The following NARS2 variants were observed in gnomAD, a reference collection of about 807,000 sequenced individuals.
NARS2 encodes the protein asparaginyl-tRNA synthetase.
A neutral mutation model predicts 62.9 loss-of-function variants in NARS2; 60 were observed. The observed-to-expected ratio is 0.95, with a 90% CI of 0.77 to 1.18. The LOEUF is 1.18. Ranked by LOEUF, NARS2 falls within the 50% of genes most tolerant of loss-of-function variation. The pLI is 0.00. For synonymous variants in NARS2, 196 were observed against 200.0 expected, an observed-to-expected ratio of 0.98 and a Z score of 0.17; for missense variants, 619 against 576.4, an observed-to-expected ratio of 1.07 and a Z score of -0.76.
chr11:78,511,887 C>T (rs1860736007), intron 6 of NARS2, among the ~76,000 whole-genome samples: 1 of 151,862 alleles, frequency 6.6e-6, no homozygotes, highest in African/African-American at 2.4e-5. Context: ...GAAAAAGAAA[C>T]AAACAATGAT....
At position 78,566,057 on chromosome 11, in the gene NARS2, A is replaced by T. The variant is rs574799498; in HGVS notation, c.513+75T>A. On this transcript the variant is annotated intron_variant, in intron 4 of 13. Transcript: ENST00000281038. Reference sequence around the variant, plus strand: ...AACTAACAGACATGTTAACATCAGGAGAAAAAGACACAACTGTTTTTAAAC... The same window carrying T: ...AACTAACAGACATGTTAACATCAGGTGAAAAAGACACAACTGTTTTTAAAC... 3 of 1,235,500 alleles carry T rather than the reference A, an allele frequency of 2.4e-6. No individual in the cohort carries two copies. The South Asian group carries it at 4.9e-5, about 20-fold the overall frequency. The allele number at this position is 1,235,500 out of a possible 1,614,324, so 76.5% of individuals were successfully genotyped here. A position where few individuals can be genotyped will look rare whatever the true frequency, so the allele number is the denominator to read the frequency against.
At chr11:78,483,682 G>C (rs1028785989) in intron 7 of NARS2, among the ~76,000 whole-genome samples, 2 of 152,076 alleles carry the variant, frequency 1.3e-5, no homozygotes, top group Non-Finnish European at 2.9e-5. Flanking sequence ...CAACCTACAA[G>C]GGATGTGAAG....
intron 1 of NARS2, 59 bp downstream of exon 1, chr11:78,574,289 T>G: frequency 6.2e-7 from 1 of 1,604,178 alleles, no homozygotes; most frequent in African/African-American, 1.3e-5. Context: ...AAGCTAGATG[T>G]GGATGTGCCA....
intron 6 of NARS2, among the ~76,000 whole-genome samples, chr11:78,493,991 T>C (rs1859945740): frequency 1.3e-5 from 2 of 152,354 alleles, no homozygotes; most frequent in African/African-American, 4.8e-5. Context: ...CAGATACATA[T>C]TGCAGTTCAC....
intron 4 of NARS2, among the ~76,000 whole-genome samples, chr11:78,565,018 T>G (rs948572484): frequency 1.6e-4 from 25 of 152,166 alleles, no homozygotes; most frequent in Non-Finnish European, 7.3e-5. Context: ...TCTGGAGAAG[T>G]ACCACAGGAA....
chr11:78,480,724 C>T (rs1229255253), intron 7 of NARS2, among the ~76,000 whole-genome samples: 1 of 150,394 alleles, frequency 6.6e-6, no homozygotes, highest in African/African-American at 2.5e-5. Flanking sequence ...AATCAAAAGA[C>T]TAGATAATAG....
intron 5 of NARS2, among the ~76,000 whole-genome samples, chr11:78,545,257 CTTT>C (rs1388250928): frequency 1.3e-5 from 2 of 151,966 alleles, no homozygotes; most frequent in African/African-American, 2.4e-5. Context: ...TATGAAAATT[CTTT>C]TTTACAAAAG....
rs1340804867 is a variant in NARS2, at chr11:78,568,647, T to A, written c.357A>T (p.Gly119=). Reference sequence around the variant, plus strand: ...GAAATCATACCTTGGCATCACAATTTCCAATAACTTTAATTTTTTCTGCCT... The same window carrying A: ...GAAATCATACCTTGGCATCACAATTACCAATAACTTTAATTTTTTCTGCCT... ...ELKAEKIKVI[G]NCDAKDFPIK... Residue 119 remains glycine, a synonymous_variant, in exon 3 of 14, where the codon GGA becomes GGT. Transcript: ENST00000281038. The A allele has an allele frequency of 1.2e-6, 2 of 1,612,070 alleles. No individual in the cohort carries two copies. The highest frequency in any genetic ancestry group is 8.5e-7 in the Non-Finnish European group (1 of 1,178,876).
At chr11:78,537,448 G>C (rs1278725854) in intron 5 of NARS2, among the ~76,000 whole-genome samples, 1 of 152,118 alleles carries the variant, frequency 6.6e-6, no homozygotes, top group Non-Finnish European at 1.5e-5. Context: ...CTCAGAAACA[G>C]GATTTTAACA....
At chr11:78,517,008 A>T (rs1029867703) in intron 6 of NARS2, among the ~76,000 whole-genome samples, 4 of 152,230 alleles carry the variant, frequency 2.6e-5, no homozygotes, top group Non-Finnish European at 4.4e-5. Context: ...TTTTAAGCTG[A>T]GTTTAGCCTA....
chr11:78,573,758 C>G (rs1857013479), intron 1 of NARS2, among the ~76,000 whole-genome samples: 1 of 152,186 alleles, frequency 6.6e-6, no homozygotes, highest in Admixed American at 6.5e-5. Context: ...TTATCTCTTT[C>G]CATAAGAGGA....
At chr11:78,550,685 GT>G (rs1422990721) in intron 5 of NARS2, among the ~76,000 whole-genome samples, 1 of 152,172 alleles carries the variant, frequency 6.6e-6, no homozygotes, top group East Asian at 1.9e-4. Flanking sequence ...TAGCTTGGCA[GT>G]TTTTAAAAAT....
chr11:78,549,995 T>C (rs1370164323), intron 5 of NARS2, among the ~76,000 whole-genome samples: 1 of 152,194 alleles, frequency 6.6e-6, no homozygotes, highest in Non-Finnish European at 1.5e-5. Flanking sequence ...GAGAAATAAA[T>C]GGTCAATATG....
intron 6 of NARS2, among the ~76,000 whole-genome samples, chr11:78,517,517 T>C (rs1420136232): frequency 6.6e-6 from 1 of 152,212 alleles, no homozygotes; most frequent in African/African-American, 2.4e-5. Flanking sequence ...CAATTTTTCA[T>C]TAAGACCTCC....
intron 6 of NARS2, among the ~76,000 whole-genome samples, chr11:78,522,770 T>A (rs868844115): frequency 3.9e-5 from 6 of 152,230 alleles, no homozygotes; most frequent in African/African-American, 7.2e-5. Flanking sequence ...GCATTTTTTT[T>A]ATAATGTAAG....
chr11:78,484,789 G>C (rs1159540534), intron 7 of NARS2, among the ~76,000 whole-genome samples: 1 of 152,174 alleles, frequency 6.6e-6, no homozygotes, highest in African/African-American at 2.4e-5. Context: ...GTTGGTGGGA[G>C]TGTCAATTAG....
At position 78,574,593 on chromosome 11, in the gene NARS2, C is replaced by T. The variant is rs1441478032; in HGVS notation, c.-105G>A. 3 of 1,351,094 alleles carry T rather than the reference C, an allele frequency of 2.2e-6. No individual in the cohort carries two copies. The African/African-American group carries it at 4.4e-5, about 20-fold the overall frequency. 83.7% of individuals were successfully genotyped at this position (1,351,094 alleles called of 1,614,324 possible). The stretch of plus-strand genomic sequence containing the variant: ...AGCTGCTCCCCTTCCGCGGCCGCAG[C>T]TCTGCTCTAAGGCACTCCAGAGCCC... On this transcript the variant is annotated 5_prime_UTR_variant, in exon 1 of 14. Transcript: ENST00000281038.
intron 9 of NARS2, among the ~76,000 whole-genome samples, chr11:78,469,772 G>GAC (rs943550041): frequency 5.4e-4 from 80 of 148,156 alleles, no homozygotes; most frequent in African/African-American, 1.7e-3. Flanking sequence ...GTCAGAGAGA[G>GAC]AGAGAGCGAG....
Position 78,574,796 on chromosome 11 carries a change from A to C in NARS2, c.-308T>G. 3.1e-6 allele frequency: 1 copy of C among 324,608 alleles called. No homozygotes were observed. 20.1% of individuals were successfully genotyped at this position (324,608 alleles called of 1,614,324 possible). On this transcript the variant is annotated 5_prime_UTR_variant, in exon 1 of 14. Transcript: ENST00000281038. ...GCGACAATTGTAAACCTACGAACAG[A>C]ACCCGGGCCGCAACACGCGCAACCA...
Sources: gnomAD v4.1 joint callset for allele counts (sites outside exome capture counted in the v4.1 genomes callset) on GRCh38, gnomAD v4.1.1 for gene constraint, MANE v1.5 for transcripts, NCBI Gene and HGNC (gene_info 2026-07-23, HGNC 2026-07-21) for gene names.